TGFB2: variants seen among roughly 807,000 people sequenced by gnomAD.
TGFB2 encodes the protein transforming growth factor beta-2 proprotein.
TGFB2 carries 13 observed loss-of-function variants against 42.7 expected under a neutral mutation model. The observed-to-expected ratio is 0.30, with a 90% CI of 0.20 to 0.48. The LOEUF (loss-of-function observed/expected upper bound fraction) is 0.48. TGFB2 is among the 20% of genes least tolerant of loss of function. The pLI, the probability that TGFB2 is intolerant of heterozygous loss-of-function variation, is 0.99. For synonymous variants in TGFB2, 193 were observed against 193.6 expected (o/e 1.00, Z 0.03); for missense variants, 390 against 517.5 (o/e 0.75, Z 2.39).
chr1:218,374,985 A>G (rs886404053), intron 1 of TGFB2, among the ~76,000 whole-genome samples: 2 of 152,186 alleles, frequency 1.3e-5, no homozygotes, highest in African/African-American at 4.8e-5. Context: ...CTCTCTGGGC[A>G]GTGTAGGAGG....
chr1:218,367,954 C>T (rs1423875321), intron 1 of TGFB2, among the ~76,000 whole-genome samples: 7 of 152,030 alleles, frequency 4.6e-5, no homozygotes, highest in South Asian at 4.2e-4. Context: ...AGCCGCACGC[C>T]GCCACTCCCA....
chr1:218,400,217 CAA>C (rs558189521), intron 1 of TGFB2, among the ~76,000 whole-genome samples: 3 of 140,298 alleles, frequency 2.1e-5, no homozygotes. Context: ...GTCTCTTGTT[CAA>C]AAAAAAAAAG....
intron 1 of TGFB2, among the ~76,000 whole-genome samples, chr1:218,361,752 G>A (rs774774129): frequency 2.2e-4 from 34 of 152,154 alleles, no homozygotes; most frequent in Admixed American, 7.2e-4. Context: ...GTGACAAACC[G>A]TTTATATCCA....
chr1:218,378,773 G>GCT (rs541320667), intron 1 of TGFB2, among the ~76,000 whole-genome samples: 2 of 148,972 alleles, frequency 1.3e-5, no homozygotes, highest in African/African-American at 4.9e-5. Context: ...CACCCGGCCT[G>GCT]TTTTTTTTTT....
intron 1 of TGFB2, among the ~76,000 whole-genome samples, chr1:218,404,259 C>A (rs907663550): frequency 6.6e-6 from 1 of 152,084 alleles, no homozygotes; most frequent in Non-Finnish European, 1.5e-5. Context: ...ATTACAGGTG[C>A]GCGCCACCAC....
chr1:218,415,985 G>A (rs1441760374), intron 2 of TGFB2, among the ~76,000 whole-genome samples: 1 of 152,028 alleles, frequency 6.6e-6, no homozygotes, highest in African/African-American at 2.4e-5. Flanking sequence ...CTCAACAGTG[G>A]TGTCAGTCAT....
intron 1 of TGFB2, among the ~76,000 whole-genome samples, chr1:218,362,696 A>C (rs1657255264): frequency 6.6e-6 from 1 of 152,184 alleles, no homozygotes; most frequent in Admixed American, 6.5e-5. Flanking sequence ...TGGTGGGCAA[A>C]ATACAAATTG....
chr1:218,369,412 A>T (rs928082175), intron 1 of TGFB2, among the ~76,000 whole-genome samples: 1 of 152,090 alleles, frequency 6.6e-6, no homozygotes, highest in Non-Finnish European at 1.5e-5. Flanking sequence ...GACCTGCCTT[A>T]TGCTGAGTTT....
In TGFB2 at chr1:218,392,794, T is replaced by C. The variant is rs1266687830; in HGVS notation, c.347-12375T>C. Among the ~76,000 whole-genome samples the C allele has an allele frequency of 4.6e-5, 7 of 152,218 alleles. No individual in the cohort carries two copies. In the East Asian group the frequency reaches 1.2e-3, roughly 25 times the overall value. On this transcript the variant is annotated intron_variant, in intron 1 of 6. Transcript: ENST00000366930. ...GATAATCCAGACCATGTATTCCTCT[T>C]CGTATTTATTCACTCTCAAGCCATT...
chr1:218,350,177 A>C (rs954341459), intron 1 of TGFB2, among the ~76,000 whole-genome samples: 14 of 151,088 alleles, frequency 9.3e-5, no homozygotes, highest in Non-Finnish European at 2.9e-5. Context: ...GAATCTGTAG[A>C]GAGTCCGACA....
At chr1:218,409,913 G>C (rs1430672036) in intron 2 of TGFB2, among the ~76,000 whole-genome samples, 1 of 152,230 alleles carries the variant, frequency 6.6e-6, no homozygotes, top group Admixed American at 6.5e-5. Context: ...TAGGAGGAGA[G>C]TATGTATGTG....
chr1:218,440,120 C>T (rs1174183265), intron 6 of TGFB2, among the ~76,000 whole-genome samples: 3 of 152,284 alleles, frequency 2.0e-5, no homozygotes, highest in East Asian at 1.9e-4. Flanking sequence ...ATTATAGAAC[C>T]GTCTCTTCAT....
intron 1 of TGFB2, among the ~76,000 whole-genome samples, chr1:218,377,751 C>G (rs766632595): frequency 2.0e-5 from 3 of 151,804 alleles, no homozygotes; most frequent in African/African-American, 4.8e-5. Context: ...GAAACTCTGC[C>G]CAGTTTCATG....
intron 1 of TGFB2, among the ~76,000 whole-genome samples, chr1:218,404,650 T>A (rs1467864724): frequency 6.6e-6 from 1 of 152,206 alleles, no homozygotes; most frequent in East Asian, 1.9e-4. Flanking sequence ...ATATGTTAAG[T>A]CATATGTGTG....
At chr1:218,367,321 C>T (rs1553294725) in intron 1 of TGFB2, among the ~76,000 whole-genome samples, 1 of 152,202 alleles carries the variant, frequency 6.6e-6, no homozygotes. Context: ...GTAAACTTTA[C>T]TATCTCAGCC....
intron 1 of TGFB2, among the ~76,000 whole-genome samples, chr1:218,347,610 G>C (rs2102528555): frequency 6.6e-6 from 1 of 152,186 alleles, no homozygotes; most frequent in East Asian, 1.9e-4. Context: ...CCGGTTTGGA[G>C]ACCCCTCGAG....
intron 1 of TGFB2, among the ~76,000 whole-genome samples, chr1:218,386,521 C>G (rs1194453338): frequency 2.0e-5 from 3 of 152,180 alleles, no homozygotes; most frequent in Non-Finnish European, 4.4e-5. Context: ...CTAATGACTC[C>G]AAGAATGGCT....
chr1:218,354,265 AGGAGATGCGGAGAGAT>A (rs1656961513), intron 1 of TGFB2, among the ~76,000 whole-genome samples: 2 of 152,218 alleles, frequency 1.3e-5, no homozygotes, highest in East Asian at 3.8e-4. Flanking sequence ...TGTCAGGGCC[AGGAGATGCGGAGAGAT>A]GAAATGTTCT....
intron 1 of TGFB2, among the ~76,000 whole-genome samples, chr1:218,370,256 T>C (rs960833344): frequency 2.0e-5 from 3 of 152,184 alleles, no homozygotes; most frequent in Non-Finnish European, 4.4e-5. Context: ...AAAGATGGCC[T>C]TTGAGATTGT....
Sources: allele counts gnomAD v4.1 joint callset (sites outside exome capture counted in the v4.1 genomes callset), GRCh38; gene constraint gnomAD v4.1.1; transcripts MANE v1.5; gene names NCBI Gene and HGNC (gene_info 2026-07-23, HGNC 2026-07-21).